Variants in RNF121 observed in about 807,000 individuals in gnomAD.
The protein encoded by RNF121 is E3 ubiquitin ligase RNF121.
In RNF121, 21 loss-of-function variants were observed where a neutral mutation model predicts 46.5. The observed-to-expected ratio is 0.45, with a 90% CI of 0.32 to 0.65. RNF121 has a LOEUF of 0.65. Among genes scored for constraint, RNF121 ranks in the 30% least tolerant of loss-of-function variants. RNF121 has a pLI of 0.04. For synonymous variants in RNF121, 139 were observed against 144.7 expected, an observed-to-expected ratio of 0.96 and a Z score of 0.28; for missense variants, 346 against 416.0, an observed-to-expected ratio of 0.83 and a Z score of 1.46.
chr11:71,973,003 A>G (rs539265690), intron 3 of RNF121, among the ~76,000 whole-genome samples: 1 of 152,196 alleles, frequency 6.6e-6, no homozygotes, highest in East Asian at 1.9e-4. Context: ...CCTGACCAAC[A>G]TGGAGAAACC....
At chr11:71,987,173 C>T in intron 5 of RNF121, 62 bp downstream of exon 5, 1 of 1,066,354 alleles carries the variant, frequency 9.4e-7, no homozygotes, top group Non-Finnish European at 1.5e-6. Context: ...TGAGATGTAC[C>T]TCTTGTTGCA....
At chr11:71,943,237 A>G (rs1215893820) in intron 1 of RNF121, among the ~76,000 whole-genome samples, 3 of 152,264 alleles carry the variant, frequency 2.0e-5, no homozygotes, top group Admixed American at 1.3e-4. Context: ...TGTAAGGGAA[A>G]GAAAATAATC....
chr11:71,976,449 G>A (rs1186327998), intron 3 of RNF121, among the ~76,000 whole-genome samples: 2 of 148,732 alleles, frequency 1.3e-5, no homozygotes, highest in African/African-American at 2.5e-5. Context: ...TCCGCCTCCC[G>A]GGTTCAAGCG....
rs1271658242 is a variant in RNF121 at position 71,955,632 on chromosome 11, G to A, written c.64-1595G>A. On this transcript the variant is annotated intron_variant, in intron 1 of 8. Transcript: ENST00000361756. ...GCATTGTAAGTACAAGGAAGGGTATGCAAAGGCCCAGAGACAGAAATGAGT... is the reference window on the plus strand; with the variant it reads ...GCATTGTAAGTACAAGGAAGGGTATACAAAGGCCCAGAGACAGAAATGAGT... Among the ~76,000 whole-genome samples, 5 of 152,276 alleles carry A rather than the reference G, an allele frequency of 3.3e-5. No homozygotes were observed. In the East Asian group the frequency reaches 7.7e-4, roughly 23 times the overall value.
At chr11:71,990,929 G>A (rs1375130561) in intron 6 of RNF121, 1 of 581,286 alleles carries the variant, frequency 1.7e-6, no homozygotes, top group Non-Finnish European at 3.0e-6. Context: ...GCAGCAACAT[G>A]CCAGCTGGAG....
At chr11:71,934,874 C>T (rs372344877) in intron 1 of RNF121, among the ~76,000 whole-genome samples, 30 of 151,290 alleles carry the variant, frequency 2.0e-4, no homozygotes, top group African/African-American at 7.0e-4. Context: ...GAAAAGAGTG[C>T]TGAGGGTGAA....
At chr11:71,986,403 G>C (rs1221263889) in intron 4 of RNF121, among the ~76,000 whole-genome samples, 1 of 152,164 alleles carries the variant, frequency 6.6e-6, no homozygotes, top group African/African-American at 2.4e-5. Context: ...GCTGTCTAAG[G>C]TCAGCTGTGC....
chr11:71,992,904 A>G (rs2134220528), intron 6 of RNF121, among the ~76,000 whole-genome samples: 1 of 152,308 alleles, frequency 6.6e-6, no homozygotes, highest in Middle Eastern at 3.4e-3. Context: ...TTCTCTTTGT[A>G]ATTATTTAAA....
intron 3 of RNF121, among the ~76,000 whole-genome samples, chr11:71,980,449 C>A (rs146554696): frequency 6.6e-6 from 1 of 152,128 alleles, no homozygotes; most frequent in African/African-American, 2.4e-5. Context: ...CGGATTCAAG[C>A]GATTCTCCTG....
intron 1 of RNF121, among the ~76,000 whole-genome samples, chr11:71,954,668 CAA>C (rs1328043614): frequency 6.6e-6 from 1 of 152,302 alleles, no homozygotes; most frequent in East Asian, 1.9e-4. Context: ...TCCATTATGT[CAA>C]AGAGAGGCAC....
At chr11:71,969,038 A>T (rs1954359042) in intron 3 of RNF121, among the ~76,000 whole-genome samples, 1 of 151,908 alleles carries the variant, frequency 6.6e-6, no homozygotes, top group African/African-American at 2.4e-5. Context: ...GGTGTCTGCC[A>T]CCATGCCCGG....
chr11:71,985,946 A>G (rs1954763232), intron 4 of RNF121, among the ~76,000 whole-genome samples: 1 of 152,000 alleles, frequency 6.6e-6, no homozygotes, highest in Admixed American at 6.6e-5. Flanking sequence ...AAAAACAAAA[A>G]AAAAGGCCCT....
At chr11:71,932,210 C>T (rs1953291242) in intron 1 of RNF121, among the ~76,000 whole-genome samples, 3 of 152,202 alleles carry the variant, frequency 2.0e-5, no homozygotes, top group Admixed American at 1.3e-4. Flanking sequence ...TTATTCAGCT[C>T]TTAACCATAC....
intron 1 of RNF121, among the ~76,000 whole-genome samples, chr11:71,952,138 A>G (rs1953894634): frequency 6.6e-6 from 1 of 152,236 alleles, no homozygotes; most frequent in Admixed American, 6.5e-5. Context: ...CTTTGGCAAT[A>G]CAAACGAATG....
chr11:71,960,932 C>G, intron 3 of RNF121, 41 bp downstream of exon 3: 1 of 1,602,710 alleles, frequency 6.2e-7, no homozygotes. Context: ...TGTCAGTCAT[C>G]AAGAGACCCT....
At chr11:71,952,763 G>A (rs1404467814) in intron 1 of RNF121, among the ~76,000 whole-genome samples, 2 of 151,980 alleles carry the variant, frequency 1.3e-5, no homozygotes, top group Admixed American at 6.6e-5. Context: ...AGCTGACATC[G>A]TGCCACTGCA....
chr11:71,977,301 G>A (rs17161751), intron 3 of RNF121, among the ~76,000 whole-genome samples: 11,310 of 152,208 alleles, frequency 0.074, 668 homozygotes, highest in East Asian at 0.16. Context: ...GACTGGAAAG[G>A]CACCTGATGC....
At chr11:71,995,292 CCTTA>C (rs1275065368) in intron 7 of RNF121, 154 bp from the exon 8 acceptor site, 7 of 643,476 alleles carry the variant, frequency 1.1e-5, no homozygotes, top group Non-Finnish European at 1.9e-5. Context: ...GGATCATTAT[CCTTA>C]CTTCACATGT....
At chr11:71,938,250 A>T (rs1220633733) in intron 1 of RNF121, among the ~76,000 whole-genome samples, 1 of 150,860 alleles carries the variant, frequency 6.6e-6, no homozygotes, top group African/African-American at 2.4e-5. Flanking sequence ...AGGAATAGCT[A>T]ACTTTTTTAG....
Sources: allele counts gnomAD v4.1 joint callset (sites outside exome capture counted in the v4.1 genomes callset), GRCh38; gene constraint gnomAD v4.1.1; transcripts MANE v1.5; gene names NCBI Gene and HGNC (gene_info 2026-07-23, HGNC 2026-07-21).